Variants in TDRD7 observed in about 807,000 individuals in gnomAD.
TDRD7 encodes tudor domain-containing protein 7.
In TDRD7, 47 loss-of-function variants were observed where a neutral mutation model predicts 109.8. The ratio of observed to expected loss-of-function variants is 0.43; its 90% CI spans 0.34 to 0.55. The LOEUF (loss-of-function observed/expected upper bound fraction) is 0.55, where lower values mean the gene tolerates loss of function less well. Ranked by LOEUF, TDRD7 falls within the 20% of genes least tolerant of loss-of-function variation. The pLI, the probability that TDRD7 is intolerant of heterozygous loss-of-function variation, is 0.03. For synonymous variants in TDRD7, 424 were observed against 457.3 expected, an observed-to-expected ratio of 0.93 and a Z score of 0.93; for missense variants, 1,164 against 1,319.2, an observed-to-expected ratio of 0.88 and a Z score of 1.82.
intron 14 of TDRD7, among the ~76,000 whole-genome samples, chr9:97,481,993 T>C (rs1193758978): frequency 6.6e-6 from 1 of 152,156 alleles, no homozygotes; most frequent in African/African-American, 2.4e-5. Context: ...CCCTATTTGG[T>C]AAAAGATAAA....
intron 8 of TDRD7, among the ~76,000 whole-genome samples, chr9:97,469,157 G>A (rs1828869513): frequency 6.6e-6 from 1 of 152,174 alleles, no homozygotes; most frequent in Non-Finnish European, 1.5e-5. Flanking sequence ...TTTTGGGCCT[G>A]GGAAGAACAG....
At position 97,487,094 on chromosome 9, in the gene TDRD7, C is replaced by T. The variant is rs1829223479; in HGVS notation, c.2916-78C>T. On this transcript the variant is annotated intron_variant, in intron 15 of 16. Coordinates refer to ENST00000355295, the MANE Select transcript of TDRD7 (RefSeq NM_014290.3). Reference sequence around the variant, plus strand: ...AATTTGCATTAATTTTTCTTTTTATCATAAAATATTTCTTGCCCTTAAAGC... The same window carrying T: ...AATTTGCATTAATTTTTCTTTTTATTATAAAATATTTCTTGCCCTTAAAGC... 3 of 1,455,022 alleles carry T rather than the reference C, an allele frequency of 2.1e-6. No homozygotes were observed. The South Asian group carries it at 3.6e-5, about 18-fold the overall frequency. The allele number at this position is 1,455,022 out of a possible 1,614,324, so 90.1% of individuals were successfully genotyped here. A position where few individuals can be genotyped will look rare whatever the true frequency, so the allele number is the denominator to read the frequency against.
At chr9:97,476,629 T>C (rs1013910813) in intron 12 of TDRD7, among the ~76,000 whole-genome samples, 1 of 151,810 alleles carries the variant, frequency 6.6e-6, no homozygotes, top group South Asian at 2.1e-4. Flanking sequence ...TTTTTTTTCT[T>C]TTTTTTCTTT....
Position 97,441,785 on chromosome 9 carries a change from T to C in TDRD7, c.765T>C (p.Ser255=). 6.2e-7 allele frequency: 1 copy of C among 1,613,826 alleles called. No homozygotes were observed. Among genetic ancestry groups the C allele is most frequent in the Non-Finnish European group, 8.5e-7 (1 of 1,179,826 alleles). The change falls in exon 6 of 17, where the codon TCT becomes TCC. Residue 255 remains serine (S), a synonymous_variant. Transcript: ENST00000355295. ...AGCATAACAATGGCATTTGGATATC[T>C]AAGCTTCCACATTTTTACAAAGAGT... The part of the protein sequence containing the change: ...LNKHNNGIWI[S]KLPHFYKELY...
chr9:97,472,104 G>A (rs907771765), intron 9 of TDRD7, among the ~76,000 whole-genome samples, 189 bp from the exon 10 acceptor site: 34 of 152,030 alleles, frequency 2.2e-4, no homozygotes, highest in African/African-American at 7.5e-4. Flanking sequence ...TCAAAAGGGC[G>A]TTTACATTAT....
At chr9:97,480,549 C>T (rs1255526702) in intron 13 of TDRD7, 4 of 418,004 alleles carry the variant, frequency 9.6e-6, no homozygotes, top group African/African-American at 2.0e-5. Context: ...TGAAATGGGG[C>T]TGCAACACCT....
intron 16 of TDRD7, among the ~76,000 whole-genome samples, chr9:97,495,308 A>G (rs1829379073): frequency 6.6e-6 from 1 of 152,210 alleles, no homozygotes; most frequent in South Asian, 2.1e-4. Flanking sequence ...ATTTTTAATG[A>G]AAGAAATGTC....
At chr9:97,481,741 A>G (rs1483661704) in intron 14 of TDRD7, among the ~76,000 whole-genome samples, 1 of 152,214 alleles carries the variant, frequency 6.6e-6, no homozygotes, top group Non-Finnish European at 1.5e-5. Flanking sequence ...TTAAGCTCCT[A>G]AAGCCAGAAT....
intron 1 of TDRD7, among the ~76,000 whole-genome samples, chr9:97,415,723 G>C (rs567115686): frequency 2.0e-3 from 306 of 152,316 alleles, no homozygotes; most frequent in Non-Finnish European, 1.8e-3. Context: ...AACCCGGCAG[G>C]CGGAGGTTGC....
intron 1 of TDRD7, among the ~76,000 whole-genome samples, chr9:97,416,230 G>T (rs1011589065): frequency 6.6e-6 from 1 of 152,214 alleles, no homozygotes; most frequent in South Asian, 2.1e-4. Flanking sequence ...CTTTAAAAAG[G>T]CAGGCAGGGG....
At chr9:97,493,881 T>C (rs1407232741) in intron 16 of TDRD7, among the ~76,000 whole-genome samples, 1 of 152,240 alleles carries the variant, frequency 6.6e-6, no homozygotes, top group East Asian at 1.9e-4. Context: ...TTACTGGCAG[T>C]CAGAGTTTAA....
At chr9:97,449,687 G>T (rs1828458932) in intron 6 of TDRD7, among the ~76,000 whole-genome samples, 1 of 152,118 alleles carries the variant, frequency 6.6e-6, no homozygotes, top group Non-Finnish European at 1.5e-5. Context: ...TTGACCATTG[G>T]TGATCAGCTT....
intron 9 of TDRD7, among the ~76,000 whole-genome samples, 172 bp downstream of exon 9, chr9:97,470,841 TTA>T (rs1368484670): frequency 1.3e-5 from 2 of 152,206 alleles, no homozygotes; most frequent in Admixed American, 6.5e-5. Flanking sequence ...TATAAAAATG[TTA>T]TGTTTTTATA....
chr9:97,482,772 A>ATTAAGG, intron 14 of TDRD7, 77 bp from the exon 15 acceptor site: 1 of 1,495,994 alleles, frequency 6.7e-7, no homozygotes, highest in Non-Finnish European at 9.2e-7. Flanking sequence ...TGTTTTAATG[A>ATTAAGG]TTAAGGTTAC....
intron 1 of TDRD7, among the ~76,000 whole-genome samples, chr9:97,415,135 C>T (rs576639766): frequency 6.6e-6 from 1 of 152,310 alleles, no homozygotes; most frequent in African/African-American, 2.4e-5. Flanking sequence ...TTTCAGTTTA[C>T]CCTAATAATT....
In TDRD7 at chr9:97,460,401, C is replaced by T; in HGVS notation, c.1079C>T (p.Ala360Val). The T allele has an allele frequency of 6.2e-7, 1 of 1,614,198 alleles. No homozygotes were observed. The highest frequency in any genetic ancestry group is 2.2e-5 in the East Asian group (1 of 44,866). Residue 360 changes from alanine (A) to valine (V), a missense_variant, in exon 7 of 17, where the codon GCA (alanine) becomes GTA (valine). This residue lies in a region of TDRD7 where 407 missense variants were observed against 394.0 expected (regional missense o/e 1.03). Transcript: ENST00000355295. Reference protein sequence around the residue: ...VKYTSGLWASALPKAFEEMYK... With the variant: ...VKYTSGLWASVLPKAFEEMYK... ...TACACAAGTGGCCTTTGGGCCAGTG[C>T]ACTTCCGAAAGCATTTGAGGAAATG...
intron 6 of TDRD7, among the ~76,000 whole-genome samples, chr9:97,443,122 T>C (rs1056582325): frequency 1.4e-4 from 21 of 152,146 alleles, no homozygotes; most frequent in African/African-American, 4.6e-4. Flanking sequence ...TTGTAACCAC[T>C]TTTTCCTCCA....
In TDRD7 at chr9:97,494,002, C is replaced by T. The variant is rs143241985; in HGVS notation, c.3077-1661C>T. 5.7e-3 allele frequency among the ~76,000 whole-genome samples: 863 copies of T among 152,200 alleles called. 14 individuals are homozygous for T. The highest frequency in any genetic ancestry group is 0.02 in the African/African-American group (827 of 41,506). ...CTCTACAAACAATTTGTGCAGTTAA[C>T]GCAATCATCACAGGGTCCCTGAGGT... is the stretch of plus-strand genomic sequence containing the variant. On this transcript the variant is annotated intron_variant, in intron 16 of 16. Transcript: ENST00000355295.
At position 97,464,934 on chromosome 9, in the gene TDRD7, A is replaced by G. The variant is rs754974413; in HGVS notation, c.1535A>G (p.Gln512Arg). Residue 512 changes from glutamine (Q) to arginine (R), a missense_variant, in exon 8 of 17, where the codon CAG (glutamine) becomes CGG (arginine). Physicochemically the swap from Gln to Arg is conservative, Grantham distance 43. Around this residue, in one of 5 missense-constraint regions of TDRD7, gnomAD observed 261 missense variants for 336.2 expected, o/e 0.78. Coordinates refer to ENST00000355295, the MANE Select transcript of TDRD7 (RefSeq NM_014290.3). ...YSKNPKITPV[Q>R]AVNVGQLLAV... ...AAGAATCCTAAGATCACACCAGTCC[A>G]GGCTGTGAATGTTGGGCAGTTGCTG... The G allele has an allele frequency of 3.1e-6, 5 of 1,614,210 alleles. No homozygotes were observed. Among genetic ancestry groups the G allele is most frequent in the Admixed American group, 3.3e-5 (2 of 60,030 alleles).
Sources: gnomAD v4.1 joint callset for allele counts (sites outside exome capture counted in the v4.1 genomes callset) on GRCh38, gnomAD v4.1.1 for gene constraint, gnomAD v4.1.1 regional missense constraint, MANE v1.5 for transcripts, NCBI Gene and HGNC (gene_info 2026-07-23, HGNC 2026-07-21) for gene names.